CCDC7: variants seen among roughly 807,000 people sequenced by gnomAD.
CCDC7 encodes coiled-coil domain containing 7.
A neutral mutation model predicts 196.9 loss-of-function variants in CCDC7; 183 were observed. The observed-to-expected ratio is 0.93, with a 90% CI of 0.82 to 1.05. The LOEUF is 1.05. Among genes scored for constraint, CCDC7 ranks in the 50% least tolerant of loss-of-function variants. The pLI, the probability that CCDC7 is intolerant of heterozygous loss-of-function variation, is 0.00. For missense variants in CCDC7, 1,540 were observed against 1,482.2 expected (o/e 1.04, Z -0.64); for synonymous variants, 525 against 484.6 (o/e 1.08, Z -1.10).
intron 20 of CCDC7, 38 bp downstream of exon 21, chr10:32,635,196 A>G: frequency 2.5e-6 from 1 of 397,128 alleles, no homozygotes. Context: ...AATTATTTTC[A>G]ATTATATTAA....
intron 2 of CCDC7, among the ~76,000 whole-genome samples, chr10:32,455,766 C>T (rs760021821): frequency 2.6e-5 from 4 of 152,166 alleles, no homozygotes; most frequent in Non-Finnish European, 5.9e-5. Flanking sequence ...GGGATTTGAT[C>T]GTTATGACAT....
intron 29 of CCDC7, among the ~76,000 whole-genome samples, chr10:32,799,145 G>T (rs2084256147): frequency 6.6e-6 from 1 of 152,228 alleles, no homozygotes. Flanking sequence ...AGTTCAGGTT[G>T]CATTGTGACT....
intron 24 of CCDC7, among the ~76,000 whole-genome samples, chr10:32,696,031 G>A (rs2077671858): frequency 1.3e-5 from 2 of 151,396 alleles, no homozygotes; most frequent in East Asian, 1.9e-4. Flanking sequence ...AGTTGATAGT[G>A]TTTTTAAGAG....
At chr10:32,749,365 T>A (rs1441388982) in intron 28 of CCDC7, among the ~76,000 whole-genome samples, 1 of 152,192 alleles carries the variant, frequency 6.6e-6, no homozygotes, top group African/African-American at 2.4e-5. Flanking sequence ...GACTGGTGAC[T>A]TATAGCATCC....
chr10:32,640,872 T>C (rs1324365834), intron 20 of CCDC7, among the ~76,000 whole-genome samples: 2 of 52,478 alleles, frequency 3.8e-5, no homozygotes, highest in African/African-American at 7.2e-5. Flanking sequence ...TTCTTTTTTT[T>C]TTTCTTTTTT....
At chr10:32,621,999 T>C (rs1029895205) in intron 18 of CCDC7, among the ~76,000 whole-genome samples, 3 of 152,198 alleles carry the variant, frequency 2.0e-5, no homozygotes, top group African/African-American at 7.2e-5. Flanking sequence ...CAAGCACCAT[T>C]GTACTTACAG....
intron 29 of CCDC7, among the ~76,000 whole-genome samples, chr10:32,799,374 A>T (rs1412008535): frequency 6.6e-6 from 1 of 152,190 alleles, no homozygotes; most frequent in African/African-American, 2.4e-5. Context: ...ATGCTGGGTC[A>T]TATGACCCAA....
At chr10:32,480,217 C>T (rs994430562) in intron 8 of CCDC7, among the ~76,000 whole-genome samples, 5 of 151,748 alleles carry the variant, frequency 3.3e-5, no homozygotes, top group Admixed American at 3.3e-4. Context: ...TCTCTTATTT[C>T]CTTCCTTTTA....
chr10:32,839,451 G>A (rs565249641), intron 33 of CCDC7, among the ~76,000 whole-genome samples: 24 of 151,968 alleles, frequency 1.6e-4, no homozygotes, highest in African/African-American at 5.8e-4. Context: ...AGTCCAGCAG[G>A]AAAATATCAC....
At chr10:32,450,718 G>A (rs772643794), upstream of CCDC7, among the ~76,000 whole-genome samples, 31 of 152,100 alleles carry the variant, frequency 2.0e-4, no homozygotes, top group Non-Finnish European at 4.4e-5. Flanking sequence ...TTACACTAAT[G>A]ATACCTTGGG....
At chr10:32,614,169 T>G (rs181647248) in intron 18 of CCDC7, among the ~76,000 whole-genome samples, 36 of 152,316 alleles carry the variant, frequency 2.4e-4, no homozygotes, top group Non-Finnish European at 4.3e-4. Flanking sequence ...AATGCCCTTC[T>G]TTGTTTCTTT....
At chr10:32,867,235 T>G (rs2094232470) in intron 41 of CCDC7, among the ~76,000 whole-genome samples, 1 of 151,690 alleles carries the variant, frequency 6.6e-6, no homozygotes, top group Non-Finnish European at 1.5e-5. Flanking sequence ...ATGTTAAATT[T>G]CCTATTTTTG....
At chr10:32,583,496 T>G (rs1190683529) in intron 17 of CCDC7, among the ~76,000 whole-genome samples, 189 bp downstream of exon 18, 1 of 152,108 alleles carries the variant, frequency 6.6e-6, no homozygotes, top group Admixed American at 6.5e-5. Flanking sequence ...CTAAGTAATA[T>G]TCTTAACTTA....
chr10:32,825,536 A>G (rs575456075), intron 32 of CCDC7, among the ~76,000 whole-genome samples: 1 of 151,422 alleles, frequency 6.6e-6, no homozygotes, highest in Non-Finnish European at 1.5e-5. Context: ...ATCTATCTAT[A>G]TATCTATATC....
intron 14 of CCDC7, among the ~76,000 whole-genome samples, chr10:32,566,335 T>C (rs2056782737): frequency 6.6e-6 from 1 of 152,076 alleles, no homozygotes; most frequent in African/African-American, 2.4e-5. Flanking sequence ...TTTCACTCAA[T>C]AAAAGCTTTT....
chr10:32,645,392 A>G (rs1209132520), intron 20 of CCDC7, among the ~76,000 whole-genome samples: 2 of 151,540 alleles, frequency 1.3e-5, no homozygotes, highest in Non-Finnish European at 2.9e-5. Flanking sequence ...ATGGTAAATG[A>G]TCTTTTTAAT....
At chr10:32,679,470 C>G (rs1565108496) in intron 21 of CCDC7, among the ~76,000 whole-genome samples, 1 of 152,174 alleles carries the variant, frequency 6.6e-6, no homozygotes, top group Non-Finnish European at 1.5e-5. Flanking sequence ...TTTCTTGTAA[C>G]CCCATAGTTG....
chr10:32,595,247 G>T (rs997652555), intron 18 of CCDC7, among the ~76,000 whole-genome samples: 1 of 152,032 alleles, frequency 6.6e-6, no homozygotes, highest in Admixed American at 6.6e-5. Context: ...GTCTATTCAG[G>T]GATTCAACTT....
chr10:32,712,645 G>A (rs1459785654), intron 25 of CCDC7, among the ~76,000 whole-genome samples: 1 of 152,230 alleles, frequency 6.6e-6, no homozygotes, highest in Non-Finnish European at 1.5e-5. Flanking sequence ...AAAGATATTA[G>A]TGGTTTATTG....
Sources: gnomAD v4.1 joint callset for allele counts (sites outside exome capture counted in the v4.1 genomes callset) on GRCh38, gnomAD v4.1.1 for gene constraint, MANE v1.5 for transcripts, NCBI Gene and HGNC (gene_info 2026-07-23, HGNC 2026-07-21) for gene names.